The following MEGF6 variants were observed in gnomAD, a reference collection of about 807,000 sequenced individuals.
MEGF6 encodes the protein multiple epidermal growth factor-like domains protein 6.
MEGF6 carries 184 observed loss-of-function variants against 207.1 expected under a neutral mutation model. The ratio of observed to expected loss-of-function variants is 0.89; its 90% confidence interval spans 0.79 to 1.00. MEGF6 has a LOEUF of 1.00. Ranked by LOEUF, MEGF6 falls within the 50% of genes least tolerant of loss-of-function variation. The pLI is 0.00. For synonymous variants in MEGF6, 1,038 were observed against 910.0 expected, an observed-to-expected ratio of 1.14 and a Z score of -2.53; for missense variants, 2,282 against 2,202.9, an observed-to-expected ratio of 1.04 and a Z score of -0.72.
At chr1:3,619,558 G>A in the MEGF6 span, among the ~76,000 whole-genome samples, 3 of 149,264 alleles carry the variant, frequency 2.0e-5, no homozygotes, top group African/African-American at 5.0e-5. Context: ...TGCTGTTCTC[G>A]TGATAGTCAG....
intron 17 of MEGF6, among the ~76,000 whole-genome samples, chr1:3,502,497 C>T (rs1359825025): frequency 6.6e-6 from 1 of 152,162 alleles, no homozygotes; most frequent in Non-Finnish European, 1.5e-5. Flanking sequence ...CCACTCACTC[C>T]ACCCGCAGAG....
intron 3 of MEGF6, among the ~76,000 whole-genome samples, chr1:3,587,030 C>T (rs1643902964): frequency 6.6e-6 from 1 of 152,266 alleles, no homozygotes; most frequent in South Asian, 2.1e-4. Flanking sequence ...TCCGGGGTTT[C>T]TGCAGCAACA....
Position 3,524,266 on chromosome 1 carries a change from G to A in MEGF6, c.482-20C>T, listed in dbSNP as rs1429397572. 4.4e-6 allele frequency: 7 copies of A among 1,600,506 alleles called. No individual in the cohort carries two copies. ...CCACATCTGAGCAGGAATGGGGAAG[G>A]ATCAGCAGCTGGGCACCTGTGCCCT... On this transcript the variant is annotated intron_variant, in intron 4 of 36. Transcript: ENST00000356575.
intron 4 of MEGF6, among the ~76,000 whole-genome samples, chr1:3,537,034 C>T (rs1266469528): frequency 6.6e-6 from 1 of 152,274 alleles, no homozygotes; most frequent in Non-Finnish European, 1.5e-5. Context: ...TCCACGCTGC[C>T]CTGGCCTCTG....
intron 4 of MEGF6, chr1:3,546,867 G>C (rs1350133776): frequency 8.8e-5 from 14 of 158,564 alleles, no homozygotes; most frequent in African/African-American, 3.7e-4. Flanking sequence ...CCAAGGCAGG[G>C]TGGCAGTGGG....
At position 3,514,490 on chromosome 1, in the gene MEGF6, A is replaced by G. The variant is rs962453903; in HGVS notation, c.853+60T>C. 24 of 1,523,582 alleles carry G rather than the reference A, an allele frequency of 1.6e-5. No homozygotes were observed. In the Admixed American group the frequency reaches 4.4e-4, roughly 28 times the overall value. The allele number at this position is 1,523,582 out of a possible 1,614,324, so 94.4% of individuals were successfully genotyped here. On this transcript the variant is annotated intron_variant, in intron 7 of 36. Coordinates refer to ENST00000356575, the MANE Select transcript of MEGF6 (RefSeq NM_001409.4). ...CCCAGAGTTAGACACGGGTCCCTCC[A>G]CAGCACCTGGGTGCGCTTTCTGACC...
intron 4 of MEGF6, among the ~76,000 whole-genome samples, chr1:3,534,374 C>T (rs1642263772): frequency 6.6e-6 from 1 of 152,190 alleles, no homozygotes; most frequent in Admixed American, 6.5e-5. Flanking sequence ...TGACGTGGCC[C>T]TGAGAAACTG....
chr1:3,504,744 C>A (rs1441323010), intron 17 of MEGF6, among the ~76,000 whole-genome samples: 1 of 152,168 alleles, frequency 6.6e-6, no homozygotes, highest in African/African-American at 2.4e-5. Context: ...AAAGCATCCA[C>A]GTGCAGGGGC....
intron 5 of MEGF6, among the ~76,000 whole-genome samples, chr1:3,523,074 C>CGT (rs1641818984): frequency 1.4e-5 from 2 of 147,998 alleles, no homozygotes; most frequent in African/African-American, 2.5e-5. Context: ...GAGTGTGTGC[C>CGT]GGGGGGGGGG....
chr1:3,498,882 G>A (rs560889124), intron 24 of MEGF6, 56 bp from the exon 25 acceptor site: 4 of 1,535,944 alleles, frequency 2.6e-6, no homozygotes, highest in Non-Finnish European at 3.5e-6. Context: ...GCCCCACAGG[G>A]TCTGTCTGGC....
intron 17 of MEGF6, among the ~76,000 whole-genome samples, chr1:3,504,587 C>T (rs1259019834): frequency 6.6e-6 from 1 of 152,050 alleles, no homozygotes; most frequent in African/African-American, 2.4e-5. Context: ...GCTGGAATCG[C>T]GTCGGGCAGT....
chr1:3,501,739 C>A (rs1277244588), intron 18 of MEGF6, 57 bp downstream of exon 18: 10 of 1,580,318 alleles, frequency 6.3e-6, no homozygotes, highest in Non-Finnish European at 6.9e-6. Flanking sequence ...CAGGGCCCCA[C>A]CAGCTTGGAG....
chr1:3,570,175 C>A (rs916029055), intron 4 of MEGF6, among the ~76,000 whole-genome samples: 3 of 152,144 alleles, frequency 2.0e-5, no homozygotes, highest in Admixed American at 2.0e-4. Context: ...CCTGTCCCAG[C>A]CGACTGTCAC....
In MEGF6 at chr1:3,496,734, A is replaced by T; in HGVS notation, c.3663T>A (p.Cys1221Ter). The T allele has an allele frequency of 6.4e-7, 1 of 1,558,974 alleles. No homozygotes were observed. Among genetic ancestry groups the T allele is most frequent in the Non-Finnish European group, 8.7e-7 (1 of 1,152,114 alleles). Residue 1221 changes from cysteine to a stop codon, truncating the protein, a stop_gained, in exon 29 of 37, where the codon TGT becomes TGA. Coordinates refer to ENST00000356575, the MANE Select transcript of MEGF6 (RefSeq NM_001409.4). LOFTEE classifies it high-confidence loss of function. ...CCGCATCACAGGAGCCCCCGTTGAG[A>T]CACCCACACAGCTGTTCACAGCCTG... ...YGPGCEQLCG[C>*]LNGGSCDAAT...
At position 3,500,935 on chromosome 1, in the gene MEGF6, T is replaced by C. The variant is rs1225124072; in HGVS notation, c.2575+31A>G. On this transcript the variant is annotated intron_variant, in intron 20 of 36. Transcript: ENST00000356575. ...CAGGGGCTAGGAAAGGAGGGATGTC[T>C]GGACAAAGGGCAAGCCAAGGGCCCC... 5 of 1,610,598 alleles carry C rather than the reference T, an allele frequency of 3.1e-6. No individual in the cohort carries two copies. In the Admixed American group the frequency reaches 5.0e-5, roughly 16 times the overall value.
chr1:3,614,039 G>T (rs777330969), upstream of MEGF6, among the ~76,000 whole-genome samples: 3 of 152,196 alleles, frequency 2.0e-5, no homozygotes, highest in Non-Finnish European at 4.4e-5. Flanking sequence ...GACACCTGCC[G>T]TGCCCTCCCA....
intron 4 of MEGF6, among the ~76,000 whole-genome samples, chr1:3,531,853 G>A (rs1388076151): frequency 1.3e-5 from 2 of 151,324 alleles, no homozygotes; most frequent in Non-Finnish European, 2.9e-5. Context: ...AGGGGGGCCT[G>A]CAGAGGCGGC....
intron 13 of MEGF6, among the ~76,000 whole-genome samples, chr1:3,508,329 C>T (rs933164191): frequency 4.6e-5 from 7 of 152,226 alleles, no homozygotes; most frequent in African/African-American, 1.7e-4. Context: ...CTTTAACTTG[C>T]TTGTTCCCAG....
chr1:3,518,463 G>A (rs1641623874), intron 5 of MEGF6, among the ~76,000 whole-genome samples: 1 of 152,190 alleles, frequency 6.6e-6, no homozygotes, highest in African/African-American at 2.4e-5. Context: ...CGTCTGAGCT[G>A]CCTTGGTCTC....
Sources: gnomAD v4.1 joint callset for allele counts (sites outside exome capture counted in the v4.1 genomes callset) on GRCh38, gnomAD v4.1.1 for gene constraint, MANE v1.5 for transcripts, NCBI Gene and HGNC (gene_info 2026-07-23, HGNC 2026-07-21) for gene names.